The following HEMK2 variants were observed in gnomAD, a reference collection of about 807,000 sequenced individuals.
HEMK2 encodes methyltransferase HEMK2.
chr21:28,673,873 G>A, the HEMK2 span, among the ~76,000 whole-genome samples: 3 of 151,694 alleles, frequency 2.0e-5, no homozygotes, highest in Non-Finnish European at 4.4e-5. Context: ...CAAAACATTC[G>A]TTAAAATTAA....
the HEMK2 span, among the ~76,000 whole-genome samples, chr21:28,725,172 T>C: frequency 1.3e-5 from 2 of 152,208 alleles, no homozygotes; most frequent in African/African-American, 4.8e-5. Flanking sequence ...AGTCAATCAA[T>C]GTTGTTGGGT....
At chr21:28,862,511 C>T in the HEMK2 span, among the ~76,000 whole-genome samples, 3 of 145,232 alleles carry the variant, frequency 2.1e-5, no homozygotes, top group Admixed American at 6.7e-5. Context: ...CGGTGGCGGG[C>T]GCCTGTAGTC....
At chr21:28,678,766 A>G in the HEMK2 span, among the ~76,000 whole-genome samples, 1 of 152,224 alleles carries the variant, frequency 6.6e-6, no homozygotes, top group Non-Finnish European at 1.5e-5. Context: ...AAGAATTTTC[A>G]ACCCAGAATT....
At chr21:28,770,404 T>A in the HEMK2 span, among the ~76,000 whole-genome samples, 5 of 152,092 alleles carry the variant, frequency 3.3e-5, no homozygotes. Context: ...TGTTTCCAAG[T>A]GAAGGGAAGA....
At chr21:28,701,260 C>A in the HEMK2 span, among the ~76,000 whole-genome samples, 1 of 152,202 alleles carries the variant, frequency 6.6e-6, no homozygotes, top group East Asian at 1.9e-4. Flanking sequence ...TCTCTCTCCA[C>A]TCCTATTCAA....
the HEMK2 span, among the ~76,000 whole-genome samples, chr21:28,623,688 A>G: frequency 6.6e-6 from 1 of 152,202 alleles, no homozygotes; most frequent in Non-Finnish European, 1.5e-5. Context: ...TTTGAGGGAC[A>G]TGGATGAAGC....
chr21:28,813,747 G>C, the HEMK2 span, among the ~76,000 whole-genome samples: 2 of 152,136 alleles, frequency 1.3e-5, no homozygotes, highest in Admixed American at 1.3e-4. Flanking sequence ...CAATGGAACA[G>C]AACAGAGGCC....
At chr21:28,831,717 AGG>A in the HEMK2 span, among the ~76,000 whole-genome samples, 36 of 135,722 alleles carry the variant, frequency 2.7e-4, no homozygotes, top group East Asian at 1.1e-3. Context: ...GAAGGAAGGA[AGG>A]AAGGAAGGAA....
the HEMK2 span, among the ~76,000 whole-genome samples, chr21:28,634,744 G>C: frequency 6.6e-6 from 1 of 151,998 alleles, no homozygotes; most frequent in Non-Finnish European, 1.5e-5. Flanking sequence ...TTATAAAATG[G>C]GGTAATACAA....
the HEMK2 span, chr21:28,885,241 C>G: frequency 1.3e-6 from 2 of 1,588,588 alleles, no homozygotes; most frequent in South Asian, 1.1e-5. Context: ...CTGCCTCCAG[C>G]GCGTCCAAAA....
chr21:28,779,531 T>C, the HEMK2 span, among the ~76,000 whole-genome samples: 1 of 152,214 alleles, frequency 6.6e-6, no homozygotes, highest in Non-Finnish European at 1.5e-5. Flanking sequence ...ATAAGGCTTT[T>C]AGATCTATTG....
At chr21:28,844,179 T>A in the HEMK2 span, among the ~76,000 whole-genome samples, 1 of 152,092 alleles carries the variant, frequency 6.6e-6, no homozygotes, top group East Asian at 1.9e-4. Context: ...GCTTTAATTG[T>A]TTGAATTTCT....
chr21:28,833,689 G>A, the HEMK2 span, among the ~76,000 whole-genome samples: 3 of 152,142 alleles, frequency 2.0e-5, no homozygotes, highest in Admixed American at 2.0e-4. Flanking sequence ...CCACGTTTAG[G>A]GAAAAGTATG....
the HEMK2 span, among the ~76,000 whole-genome samples, chr21:28,810,191 C>A: frequency 2.0e-5 from 3 of 151,966 alleles, no homozygotes; most frequent in South Asian, 6.3e-4. Flanking sequence ...TAGGTCCCCC[C>A]AATAGGACAC....
chr21:28,782,346 A>G, the HEMK2 span, among the ~76,000 whole-genome samples: 1 of 152,252 alleles, frequency 6.6e-6, no homozygotes, highest in Non-Finnish European at 1.5e-5. Flanking sequence ...CAACATTTAT[A>G]GGCACTCTAG....
At chr21:28,883,562 G>A in the HEMK2 span, among the ~76,000 whole-genome samples, 1 of 152,146 alleles carries the variant, frequency 6.6e-6, no homozygotes, top group Non-Finnish European at 1.5e-5. Context: ...CAATAATAGA[G>A]CAGGACAAAA....
the HEMK2 span, among the ~76,000 whole-genome samples, chr21:28,676,370 G>A: frequency 6.6e-6 from 1 of 152,062 alleles, no homozygotes; most frequent in Non-Finnish European, 1.5e-5. Context: ...CCCACAATAG[G>A]ACCTCATTTT....
At chr21:28,633,955 A>G in the HEMK2 span, among the ~76,000 whole-genome samples, 7 of 152,270 alleles carry the variant, frequency 4.6e-5, no homozygotes, top group East Asian at 1.9e-4. Flanking sequence ...GCTGGGCCCA[A>G]TGGAACAGGC....
chr21:28,667,075 A>G, the HEMK2 span, among the ~76,000 whole-genome samples: 1 of 152,168 alleles, frequency 6.6e-6, no homozygotes, highest in Non-Finnish European at 1.5e-5. Context: ...GTAAAGGAAG[A>G]TAATAATTTT....
Sources: allele counts gnomAD v4.1 joint callset (sites outside exome capture counted in the v4.1 genomes callset), GRCh38; gene constraint gnomAD v4.1.1; transcripts MANE v1.5; gene names NCBI Gene and HGNC (gene_info 2026-07-23, HGNC 2026-07-21).